The following APBA2 variants were observed in gnomAD, a reference collection of about 807,000 sequenced individuals.
The protein encoded by APBA2 is amyloid-beta A4 precursor protein-binding family A member 2.
APBA2 carries 30 observed loss-of-function variants against 75.0 expected under a neutral mutation model. The observed-to-expected ratio is 0.40, with a 90% CI of 0.30 to 0.54. APBA2 has a LOEUF of 0.54. Ranked by LOEUF, APBA2 falls within the 20% of genes least tolerant of loss-of-function variation. APBA2 has a pLI of 0.49. For missense variants in APBA2, 801 were observed against 1,016.1 expected (o/e 0.79, Z 2.88); for synonymous variants, 444 against 409.6 (o/e 1.08, Z -1.01).
intron 6 of APBA2, among the ~76,000 whole-genome samples, chr15:29,088,903 C>A (rs1460598824): frequency 2.0e-5 from 3 of 152,218 alleles, no homozygotes; most frequent in Non-Finnish European, 4.4e-5. Flanking sequence ...GTGTCATTGT[C>A]TCTGCACCCT....
At chr15:29,075,102 A>T in intron 5 of APBA2, 101 bp downstream of exon 5, 1 of 923,678 alleles carries the variant, frequency 1.1e-6, no homozygotes, top group East Asian at 2.6e-5. Flanking sequence ...TGATGTTCTC[A>T]TCCCACCCGG....
intron 2 of APBA2, among the ~76,000 whole-genome samples, chr15:28,948,788 G>GCA (rs1044232430): frequency 5.9e-5 from 9 of 152,168 alleles, no homozygotes; most frequent in African/African-American, 2.2e-4. Context: ...GCAAATAGGG[G>GCA]CAGGAAGCAG....
chr15:29,079,448 A>C (rs987875567), intron 6 of APBA2, among the ~76,000 whole-genome samples: 1 of 152,154 alleles, frequency 6.6e-6, no homozygotes, highest in African/African-American at 2.4e-5. Context: ...CCTTACTTAG[A>C]AGACCCAGAA....
chr15:28,921,792 A>T (rs1156679332), intron 2 of APBA2, 43 bp downstream of exon 2: 1 of 152,210 alleles, frequency 6.6e-6, no homozygotes, highest in Non-Finnish European at 1.5e-5. Context: ...TTAATGTGGC[A>T]TTCATGAATG....
intron 4 of APBA2, among the ~76,000 whole-genome samples, chr15:29,061,222 C>T (rs2042118005): frequency 6.6e-6 from 1 of 152,156 alleles, no homozygotes; most frequent in Non-Finnish European, 1.5e-5. Flanking sequence ...TTTGGAGCCC[C>T]ATCCCACCTG....
intron 2 of APBA2, among the ~76,000 whole-genome samples, chr15:28,974,898 G>T (rs1047213320): frequency 5.3e-5 from 8 of 152,026 alleles, no homozygotes; most frequent in Non-Finnish European, 1.2e-4. Flanking sequence ...ATAAGAGTAA[G>T]ATTGGAAATT....
chr15:28,977,649 T>C (rs908077871), intron 2 of APBA2, among the ~76,000 whole-genome samples: 2 of 152,198 alleles, frequency 1.3e-5, no homozygotes, highest in African/African-American at 4.8e-5. Context: ...GGGTGACCTC[T>C]GTCCAGCACA....
At chr15:29,088,169 C>T (rs181531882) in intron 6 of APBA2, among the ~76,000 whole-genome samples, 19 of 152,268 alleles carry the variant, frequency 1.2e-4, no homozygotes. Flanking sequence ...TAGTTGGCCT[C>T]CTGCTAGCAT....
At chr15:28,894,941 C>G (rs1033762543) in intron 1 of APBA2, among the ~76,000 whole-genome samples, 1 of 152,072 alleles carries the variant, frequency 6.6e-6, no homozygotes, top group Non-Finnish European at 1.5e-5. Flanking sequence ...GCCAAGGCAG[C>G]TCCTGCGTCA....
intron 1 of APBA2, among the ~76,000 whole-genome samples, chr15:28,912,419 T>G (rs1319362931): frequency 6.6e-6 from 1 of 152,222 alleles, no homozygotes; most frequent in Non-Finnish European, 1.5e-5. Flanking sequence ...AGGGAGATGA[T>G]CAGGACTGGA....
intron 2 of APBA2, among the ~76,000 whole-genome samples, chr15:28,941,616 C>A (rs2035231461): frequency 6.6e-6 from 1 of 151,540 alleles, no homozygotes; most frequent in Admixed American, 6.6e-5. Flanking sequence ...CAGGGTGGGG[C>A]TATGATTACC....
At chr15:28,966,689 G>A (rs1340559841) in intron 2 of APBA2, among the ~76,000 whole-genome samples, 1 of 152,064 alleles carries the variant, frequency 6.6e-6, no homozygotes, top group African/African-American at 2.4e-5. Flanking sequence ...TTATTGACTT[G>A]CTAGGGTTTA....
intron 3 of APBA2, among the ~76,000 whole-genome samples, chr15:29,005,632 A>G (rs1014500984): frequency 6.6e-6 from 1 of 152,180 alleles, no homozygotes; most frequent in African/African-American, 2.4e-5. Flanking sequence ...TGGGAGGCCA[A>G]GGCAGGTGGA....
intron 3 of APBA2, among the ~76,000 whole-genome samples, chr15:29,049,130 G>A (rs1043471973): frequency 6.6e-6 from 1 of 152,132 alleles, no homozygotes. Context: ...TAAAGCTGTG[G>A]TGCCCACACT....
intron 2 of APBA2, among the ~76,000 whole-genome samples, chr15:28,933,656 C>T (rs1413929508): frequency 2.0e-5 from 3 of 152,178 alleles, no homozygotes; most frequent in South Asian, 2.1e-4. Context: ...GAGTTAGGAG[C>T]GAAGTCCTCG....
intron 1 of APBA2, among the ~76,000 whole-genome samples, chr15:28,888,229 C>A (rs978207618): frequency 6.6e-6 from 1 of 152,166 alleles, no homozygotes; most frequent in Admixed American, 6.6e-5. Flanking sequence ...AGTTTGCCAA[C>A]TGAGCTAAGA....
intron 14 of APBA2, among the ~76,000 whole-genome samples, chr15:29,114,577 CGTGTGTGT>C (rs528733666): frequency 6.7e-6 from 1 of 150,362 alleles, no homozygotes; most frequent in Non-Finnish European, 1.5e-5. Flanking sequence ...AGCGGGTGTG[CGTGTGTGT>C]GTGTGTGTAG....
chr15:29,117,446 G>GTCTT lies in APBA2; in HGVS notation c.*316_*319dup, dbSNP rs1188038741. Reference sequence around the variant, plus strand: ...TAGCTGTGCGTGGTGTGGAGTGTGTGTCTTTCCTCCCTGAAGCTGTGCGGA... The same window carrying GTCTT: ...TAGCTGTGCGTGGTGTGGAGTGTGTGTCTTTCTTTCCTCCCTGAAGCTGTGCGGA... On this transcript the variant is annotated 3_prime_UTR_variant, in exon 15 of 15. Coordinates refer to ENST00000683413, the MANE Select transcript of APBA2 (RefSeq NM_001353788.2). The GTCTT allele has an allele frequency of 2.2e-6, 1 of 449,062 alleles. No homozygotes were observed. The highest frequency in any genetic ancestry group is 4.1e-6 in the Non-Finnish European group (1 of 243,554). 27.8% of individuals were successfully genotyped at this position (449,062 alleles called of 1,614,324 possible).
chr15:29,053,002 T>C (rs538471010), intron 3 of APBA2, among the ~76,000 whole-genome samples: 1 of 152,218 alleles, frequency 6.6e-6, no homozygotes, highest in South Asian at 2.1e-4. Context: ...CACTGTTGCA[T>C]TAGGGATTAA....
Sources: allele counts gnomAD v4.1 joint callset (sites outside exome capture counted in the v4.1 genomes callset), GRCh38; gene constraint gnomAD v4.1.1; transcripts MANE v1.5; gene names NCBI Gene and HGNC (gene_info 2026-07-23, HGNC 2026-07-21).